The following C8orf34 variants were observed in gnomAD, a reference collection of about 807,000 sequenced individuals.
C8orf34 encodes chromosome 8 open reading frame 34.
Under a neutral mutation model 68.3 loss-of-function variants are expected in C8orf34, and 65 were observed. That is an observed-to-expected ratio of 0.95 (90% CI 0.78 to 1.17). The LOEUF (loss-of-function observed/expected upper bound fraction) is 1.17, where lower values mean the gene tolerates loss of function less well. Ranked by LOEUF, C8orf34 falls within the 50% of genes most tolerant of loss-of-function variation. The pLI is 0.00. For synonymous variants in C8orf34, 244 were observed against 241.2 expected (o/e 1.01, Z -0.11); for missense variants, 664 against 655.4 (o/e 1.01, Z -0.14).
intron 3 of C8orf34, among the ~76,000 whole-genome samples, chr8:68,466,399 A>G (rs1284065769): frequency 6.6e-6 from 1 of 152,064 alleles, no homozygotes; most frequent in African/African-American, 2.4e-5. Flanking sequence ...TATGTTCTCT[A>G]TGTTGATATT....
chr8:68,611,211 G>C (rs1284918347), intron 7 of C8orf34, among the ~76,000 whole-genome samples: 2 of 152,106 alleles, frequency 1.3e-5, no homozygotes, highest in East Asian at 3.9e-4. Flanking sequence ...TATTCAGATA[G>C]ACATTAGGGA....
At chr8:68,716,243 A>G (rs1821468785) in intron 9 of C8orf34, among the ~76,000 whole-genome samples, 1 of 152,082 alleles carries the variant, frequency 6.6e-6, no homozygotes, top group Admixed American at 6.6e-5. Flanking sequence ...GTGCACCAAA[A>G]TCTCAGAAAT....
At chr8:68,515,365 T>C (rs1317820065) in intron 5 of C8orf34, among the ~76,000 whole-genome samples, 2 of 148,874 alleles carry the variant, frequency 1.3e-5, no homozygotes, top group Non-Finnish European at 2.9e-5. Context: ...ATATAGAAGA[T>C]AATTTCTCTT....
chr8:68,805,098 T>C (rs1347494929), intron 12 of C8orf34, among the ~76,000 whole-genome samples: 2 of 152,240 alleles, frequency 1.3e-5, no homozygotes, highest in African/African-American at 4.8e-5. Context: ...GCTTGCATTT[T>C]TTTTCTGATA....
At chr8:68,585,552 G>C (rs1473364737) in intron 7 of C8orf34, among the ~76,000 whole-genome samples, 1 of 152,080 alleles carries the variant, frequency 6.6e-6, no homozygotes, top group East Asian at 1.9e-4. Flanking sequence ...AAGCCTAGTG[G>C]CTTAAAATAA....
intron 7 of C8orf34, among the ~76,000 whole-genome samples, chr8:68,572,629 A>G (rs1037206696): frequency 4.6e-5 from 7 of 152,084 alleles, no homozygotes; most frequent in African/African-American, 1.7e-4. Flanking sequence ...ATAAAGTTTC[A>G]GAAGTATTGC....
chr8:68,793,507 C>A (rs1824074000), intron 12 of C8orf34, among the ~76,000 whole-genome samples: 1 of 152,156 alleles, frequency 6.6e-6, no homozygotes, highest in Admixed American at 6.5e-5. Context: ...AGATCATATT[C>A]TTTGCAGGGA....
intron 7 of C8orf34, among the ~76,000 whole-genome samples, chr8:68,575,857 C>T (rs1816885662): frequency 1.3e-5 from 2 of 151,316 alleles, no homozygotes; most frequent in Middle Eastern, 3.4e-3. Context: ...AATTATTTAC[C>T]TGTTTAAACT....
intron 8 of C8orf34, among the ~76,000 whole-genome samples, chr8:68,653,466 A>G (rs1331368747): frequency 6.6e-6 from 1 of 152,182 alleles, no homozygotes; most frequent in African/African-American, 2.4e-5. Context: ...GTTTTTAGCT[A>G]CTGTCTTAAT....
chr8:68,730,489 C>T (rs550847798), intron 10 of C8orf34, among the ~76,000 whole-genome samples: 5 of 152,150 alleles, frequency 3.3e-5, no homozygotes, highest in African/African-American at 1.2e-4. Flanking sequence ...CTGTTGATTT[C>T]TGACATGTTA....
At chr8:68,541,746 A>G (rs1318533255) in intron 7 of C8orf34, among the ~76,000 whole-genome samples, 2 of 152,186 alleles carry the variant, frequency 1.3e-5, no homozygotes, top group Non-Finnish European at 2.9e-5. Flanking sequence ...AAGATCACAG[A>G]CAACTTTCTG....
intron 1 of C8orf34, among the ~76,000 whole-genome samples, chr8:68,370,332 T>A (rs907912921): frequency 1.3e-5 from 2 of 152,164 alleles, no homozygotes; most frequent in African/African-American, 4.8e-5. Flanking sequence ...TGATAGTAAA[T>A]ATGTCCATTT....
rs577989998 is a variant in C8orf34 at position 68,615,606 on chromosome 8, A to G, written c.1106-24770A>G. ...ATGGATTACATTTATTGATTTGCGT[A>G]TATTGAACCAGTCTTGCATCCCAGG... On this transcript the variant is annotated intron_variant, in intron 7 of 13. Coordinates refer to ENST00000518698, the MANE Select transcript of C8orf34 (RefSeq NM_052958.4). Among the ~76,000 whole-genome samples the G allele has an allele frequency of 2.6e-5, 4 of 152,338 alleles. No individual in the cohort carries two copies. In the East Asian group the frequency reaches 7.7e-4, roughly 29 times the overall value.
intron 1 of C8orf34, 142 bp downstream of exon 1, chr8:68,331,481 C>A (rs1174095851): frequency 2.2e-6 from 2 of 905,040 alleles, no homozygotes; most frequent in Non-Finnish European, 3.5e-6. Context: ...CTGGGATTCA[C>A]TGGCATTCGC....
At chr8:68,604,419 G>A (rs914175456) in intron 7 of C8orf34, among the ~76,000 whole-genome samples, 9 of 145,644 alleles carry the variant, frequency 6.2e-5, no homozygotes, top group African/African-American at 2.5e-4. Context: ...AAGATAGACA[G>A]CAAATCATTC....
intron 4 of C8orf34, among the ~76,000 whole-genome samples, chr8:68,485,674 T>C (rs899018851): frequency 6.6e-6 from 1 of 151,148 alleles, no homozygotes; most frequent in African/African-American, 2.4e-5. Flanking sequence ...ATCCAGCCAT[T>C]GTACTCCAGC....
At chr8:68,749,935 T>C (rs1439597772) in intron 10 of C8orf34, among the ~76,000 whole-genome samples, 1 of 152,168 alleles carries the variant, frequency 6.6e-6, no homozygotes, top group African/African-American at 2.4e-5. Flanking sequence ...GCTATAAAGA[T>C]TTTTATGCAA....
chr8:68,505,233 G>T (rs1813956433), intron 5 of C8orf34, among the ~76,000 whole-genome samples: 1 of 152,194 alleles, frequency 6.6e-6, no homozygotes, highest in Admixed American at 6.5e-5. Context: ...ATCTTCATGA[G>T]AGTGAAGTAG....
intron 6 of C8orf34, among the ~76,000 whole-genome samples, chr8:68,522,988 G>A (rs569994639): frequency 6.6e-6 from 1 of 152,122 alleles, no homozygotes. Context: ...GCTTTCAGGG[G>A]TTCTTTGCGG....
Sources: allele counts gnomAD v4.1 joint callset (sites outside exome capture counted in the v4.1 genomes callset), GRCh38; gene constraint gnomAD v4.1.1; transcripts MANE v1.5; gene names NCBI Gene and HGNC (gene_info 2026-07-23, HGNC 2026-07-21).